The following SLC24A2 variants were observed in gnomAD, a reference collection of about 807,000 sequenced individuals.
SLC24A2 encodes the protein sodium/potassium/calcium exchanger 2.
In SLC24A2, 36 loss-of-function variants were observed where a neutral mutation model predicts 62.0. The observed-to-expected ratio is 0.58, with a 90% CI of 0.44 to 0.77. The LOEUF is 0.77. Among genes scored for constraint, SLC24A2 ranks in the 30% least tolerant of loss-of-function variants. The pLI is 0.00. For synonymous variants in SLC24A2, 358 were observed against 294.0 expected, an observed-to-expected ratio of 1.22 and a Z score of -2.23; for missense variants, 846 against 817.9, an observed-to-expected ratio of 1.03 and a Z score of -0.42.
At chr9:20,092,221 A>G in the SLC24A2 span, among the ~76,000 whole-genome samples, 1 of 152,222 alleles carries the variant, frequency 6.6e-6, no homozygotes, top group Non-Finnish European at 1.5e-5. Context: ...ACCTGCACAT[A>G]TACCTCTGAA....
chr9:20,166,655 T>C, the SLC24A2 span, among the ~76,000 whole-genome samples: 1 of 151,922 alleles, frequency 6.6e-6, no homozygotes, highest in Admixed American at 6.6e-5. Flanking sequence ...AATAGTACAA[T>C]TGGTTACTTA....
At chr9:19,613,759 T>A (rs1427755654) in intron 4 of SLC24A2, among the ~76,000 whole-genome samples, 2 of 152,172 alleles carry the variant, frequency 1.3e-5, no homozygotes. Context: ...CAAGGAATGC[T>A]GGGTTGGACA....
At chr9:19,607,564 C>T (rs977557730) in intron 4 of SLC24A2, among the ~76,000 whole-genome samples, 1 of 151,862 alleles carries the variant, frequency 6.6e-6, no homozygotes, top group African/African-American at 2.4e-5. Flanking sequence ...ACTAAAAATA[C>T]AAAAATTAGC....
At chr9:19,848,025 C>T in the SLC24A2 span, among the ~76,000 whole-genome samples, 1 of 152,180 alleles carries the variant, frequency 6.6e-6, no homozygotes, top group Non-Finnish European at 1.5e-5. Context: ...ATTTGACAAC[C>T]ATCAGCAACT....
chr9:19,800,457 C>A, the SLC24A2 span, among the ~76,000 whole-genome samples: 2 of 152,114 alleles, frequency 1.3e-5, no homozygotes, highest in Non-Finnish European at 2.9e-5. Flanking sequence ...TTAAAAAATT[C>A]TTTCAATTTG....
the SLC24A2 span, among the ~76,000 whole-genome samples, chr9:20,116,325 T>C: frequency 6.6e-6 from 1 of 152,282 alleles, no homozygotes; most frequent in African/African-American, 2.4e-5. Flanking sequence ...CTTCTCTGAA[T>C]GCCTGCAGAT....
chr9:20,190,881 G>C, the SLC24A2 span, among the ~76,000 whole-genome samples: 7 of 152,308 alleles, frequency 4.6e-5, 1 homozygote, highest in South Asian at 1.5e-3. Flanking sequence ...ATGAAGATTA[G>C]ATAATGTTTA....
At chr9:19,593,615 G>C (rs1469607839) in intron 5 of SLC24A2, among the ~76,000 whole-genome samples, 1 of 152,116 alleles carries the variant, frequency 6.6e-6, no homozygotes, top group African/African-American at 2.4e-5. Flanking sequence ...GCTCATTGTT[G>C]TCCACACCGT....
the SLC24A2 span, among the ~76,000 whole-genome samples, chr9:20,171,826 G>GA: frequency 6.6e-6 from 1 of 151,790 alleles, no homozygotes; most frequent in African/African-American, 2.4e-5. Flanking sequence ...AGTCAACAAA[G>GA]AAAAAATGGA....
chr9:20,224,265 G>C, the SLC24A2 span, among the ~76,000 whole-genome samples: 15 of 151,556 alleles, frequency 9.9e-5, no homozygotes, highest in Admixed American at 7.9e-4. Context: ...AAGGTAGAAT[G>C]TCTTTATGTC....
intron 5 of SLC24A2, among the ~76,000 whole-genome samples, chr9:19,590,493 A>G (rs769163485): frequency 2.0e-5 from 3 of 151,950 alleles, no homozygotes; most frequent in Non-Finnish European, 2.9e-5. Flanking sequence ...CTTCCTTATT[A>G]CTTCTAGCCC....
the SLC24A2 span, among the ~76,000 whole-genome samples, chr9:19,891,475 G>T: frequency 6.6e-6 from 1 of 152,198 alleles, no homozygotes; most frequent in African/African-American, 2.4e-5. Context: ...ATCTGCTTCT[G>T]GTTAGGGCTT....
Position 19,563,030 on chromosome 9 carries a change from C to G in SLC24A2, c.1347+10321G>C, listed in dbSNP as rs149745316. Among the ~76,000 whole-genome samples, 253 of 152,264 alleles carry G rather than the reference C, an allele frequency of 1.7e-3. 3 individuals are homozygous for G. Among genetic ancestry groups the G allele is most frequent in the African/African-American group, 5.9e-3 (246 of 41,552 alleles). ...CTGAGGTGGGAGGATCACTCAAGCC[C>G]AGAAGTTGGAGGCTGCAGTGAGCCA... On this transcript the variant is annotated intron_variant, in intron 7 of 10. Transcript: ENST00000341998.
At chr9:19,671,729 T>G (rs1819422685) in intron 2 of SLC24A2, among the ~76,000 whole-genome samples, 1 of 152,154 alleles carries the variant, frequency 6.6e-6, no homozygotes. Flanking sequence ...GATACGTCCC[T>G]TCTATGCCGA....
At chr9:19,518,613 G>C (rs1351513880) in intron 10 of SLC24A2, among the ~76,000 whole-genome samples, 3 of 151,990 alleles carry the variant, frequency 2.0e-5, no homozygotes, top group African/African-American at 4.8e-5. Flanking sequence ...GTAGAGACAG[G>C]TTTGCACCAT....
At chr9:20,225,576 T>TATATATATAATATATATA in the SLC24A2 span, among the ~76,000 whole-genome samples, 1 of 126,444 alleles carries the variant, frequency 7.9e-6, no homozygotes, top group African/African-American at 3.7e-5. Flanking sequence ...ATATATATAA[T>TATATATATAATATATATA]TTCATTTAAA....
the SLC24A2 span, among the ~76,000 whole-genome samples, chr9:20,078,451 C>G: frequency 6.6e-6 from 1 of 152,154 alleles, no homozygotes; most frequent in African/African-American, 2.4e-5. Flanking sequence ...ACCATCTCCC[C>G]ACTGACTGAA....
chr9:20,018,552 C>G, the SLC24A2 span, among the ~76,000 whole-genome samples: 4 of 152,148 alleles, frequency 2.6e-5, no homozygotes, highest in African/African-American at 9.7e-5. Flanking sequence ...TCTCCTTCTT[C>G]TTCATGCTCA....
the SLC24A2 span, among the ~76,000 whole-genome samples, chr9:20,250,956 T>G: frequency 6.6e-6 from 1 of 152,082 alleles, no homozygotes; most frequent in Non-Finnish European, 1.5e-5. Context: ...CTCGATTAAT[T>G]AGATCACTGA....
Sources: allele counts gnomAD v4.1 joint callset (sites outside exome capture counted in the v4.1 genomes callset), GRCh38; gene constraint gnomAD v4.1.1; transcripts MANE v1.5; gene names NCBI Gene and HGNC (gene_info 2026-07-23, HGNC 2026-07-21).